Variants in ANKS1A observed in about 807,000 individuals in gnomAD.
ANKS1A encodes the protein ankyrin repeat and sterile alpha motif domain containing 1A, also known as ankyrin repeat and SAM domain-containing protein 1A.
In ANKS1A, 55 loss-of-function variants were observed where a neutral mutation model predicts 120.3. The ratio of observed to expected loss-of-function variants is 0.46; its 90% CI spans 0.37 to 0.57. The LOEUF is 0.57. Among genes scored for constraint, ANKS1A ranks in the 20% least tolerant of loss-of-function variants. The probability of loss-of-function intolerance (pLI) is 0.00; values close to 1 mark genes in which losing one functional copy is unlikely to be tolerated. For missense variants in ANKS1A, 1,123 were observed against 1,480.3 expected, an observed-to-expected ratio of 0.76 and a Z score of 3.96; for synonymous variants, 590 against 604.7, an observed-to-expected ratio of 0.98 and a Z score of 0.36.
intron 1 of ANKS1A, among the ~76,000 whole-genome samples, chr6:34,910,722 C>T (rs1310221277): frequency 1.3e-5 from 2 of 151,572 alleles, no homozygotes; most frequent in African/African-American, 2.4e-5. Flanking sequence ...ATTACCCAGG[C>T]GTGGTGGTGG....
At position 35,091,338 on chromosome 6, in the gene ANKS1A, T is replaced by C. The variant is rs773531909; in HGVS notation, c.*2729T>C. 270 of 985,608 alleles carry C rather than the reference T, an allele frequency of 2.7e-4. No individual in the cohort carries two copies. Among genetic ancestry groups the C allele is most frequent in the Non-Finnish European group, 3.0e-4 (249 of 829,942 alleles). The allele number at this position is 985,608 out of a possible 1,614,324, so 61.1% of individuals were successfully genotyped here. A position where few individuals can be genotyped will look rare whatever the true frequency, so the allele number is the denominator to read the frequency against. ...TATTTCTGGGCTTCCAGCTTTGGTT[T>C]TGTTATTTTCATAACTGTACACAAC... On this transcript the variant is annotated 3_prime_UTR_variant, in exon 24 of 24. Transcript: ENST00000360359.
At chr6:35,070,839 T>A (rs929049775) in intron 13 of ANKS1A, 2 of 574,718 alleles carry the variant, frequency 3.5e-6, no homozygotes, top group Admixed American at 3.9e-5. Context: ...TGTGTGTGTG[T>A]GTGTGTGCGC....
rs926897087 is a variant in ANKS1A, at chr6:34,982,969, T to C, written c.808+142T>C. On this transcript the variant is annotated intron_variant, in intron 5 of 23. Transcript: ENST00000360359. The surrounding 1 kb of genome is among the most constrained non-coding windows in gnomAD (Gnocchi z 4.9). ...ACTGGTTGATTACAAGTGTGTAAAC[T>C]GTTCTTGAATAGCTGGATTAAATGG... 28 of 1,244,826 alleles carry C rather than the reference T, an allele frequency of 2.2e-5. No homozygotes were observed. Among genetic ancestry groups the C allele is most frequent in the Non-Finnish European group, 3.0e-5 (26 of 855,108 alleles). 77.1% of individuals were successfully genotyped at this position (1,244,826 alleles called of 1,614,324 possible). A position where few individuals can be genotyped will look rare whatever the true frequency, so the allele number is the denominator to read the frequency against.
chr6:34,991,583 TAC>T (rs201212970), intron 9 of ANKS1A, among the ~76,000 whole-genome samples: 11,059 of 141,090 alleles, frequency 0.078, 766 homozygotes, highest in East Asian at 0.32. Flanking sequence ...CACACACATA[TAC>T]ACATATATAT....
At chr6:35,026,992 GTT>G in intron 11 of ANKS1A, among the ~76,000 whole-genome samples, 1 of 152,296 alleles carries the variant, frequency 6.6e-6, no homozygotes, top group Middle Eastern at 3.4e-3. Context: ...AGGCAAGGAT[GTT>G]GGGTGAGTTC....
At position 34,983,360 on chromosome 6, in the gene ANKS1A, A is replaced by G; in HGVS notation, c.947A>G (p.Asp316Gly). The G allele has an allele frequency of 6.2e-7, 1 of 1,614,076 alleles. No individual in the cohort carries two copies. Among genetic ancestry groups the G allele is most frequent in the East Asian group, 2.2e-5 (1 of 44,874 alleles). ...GGAAAAAGAAGTACAAAAGAAGTAG[A>G]TAAAACCCCCCCACCCCAGCCACCT... ...MTGKRSTKEV[D>G]KTPPPQPPLI... The change falls in exon 7 of 24, where the codon GAT becomes GGT. Residue 316 changes from aspartate to glycine, a missense_variant. Coordinates refer to ENST00000360359, the MANE Select transcript of ANKS1A (RefSeq NM_015245.3).
At chr6:35,053,074 C>T (rs1776048098) in intron 11 of ANKS1A, among the ~76,000 whole-genome samples, 1 of 152,220 alleles carries the variant, frequency 6.6e-6, no homozygotes. Context: ...CTTTGTCTGC[C>T]AGCTGAAGGC....
rs1012164261 is a variant in ANKS1A at position 35,057,476 on chromosome 6, A to C, written c.2078-2671A>C. ...CCTCTCTTTTCCAGGGCTCATCTAC[A>C]GCCTATTGGGATACCAGTATCTCCC... On this transcript the variant is annotated intron_variant, in intron 12 of 23. Coordinates refer to ENST00000360359, the MANE Select transcript of ANKS1A (RefSeq NM_015245.3). This position sits in a 1 kb window ranked among gnomAD's most constrained non-coding sequence, Gnocchi z 4.1. Among the ~76,000 whole-genome samples the C allele has an allele frequency of 2.6e-5, 4 of 152,188 alleles. No individual in the cohort carries two copies. Among genetic ancestry groups the C allele is most frequent in the Admixed American group, 2.6e-4 (4 of 15,288 alleles).
intron 11 of ANKS1A, among the ~76,000 whole-genome samples, chr6:35,021,355 T>C (rs1045272737): frequency 2.0e-5 from 3 of 152,124 alleles, no homozygotes; most frequent in African/African-American, 7.2e-5. Context: ...GGCTGTCGGG[T>C]GGGAGCCCCT....
chr6:34,989,371 G>T, intron 9 of ANKS1A, 55 bp downstream of exon 9: 1 of 1,496,460 alleles, frequency 6.7e-7, no homozygotes, highest in Middle Eastern at 1.7e-4. Context: ...GTTGAAAAGT[G>T]CATCGATGTG....
intron 11 of ANKS1A, among the ~76,000 whole-genome samples, chr6:35,026,042 G>T (rs1259962452): frequency 6.6e-6 from 1 of 152,172 alleles, no homozygotes; most frequent in African/African-American, 2.4e-5. Context: ...GAAAGCTTGG[G>T]TGACAATGAA....
rs377209396 is a variant in ANKS1A at position 35,088,647 on chromosome 6, C to T, written c.*38C>T. On this transcript the variant is annotated 3_prime_UTR_variant, in exon 24 of 24. Coordinates refer to ENST00000360359, the MANE Select transcript of ANKS1A (RefSeq NM_015245.3). Reference sequence around the variant, plus strand: ...CCACACTGTGCTGCGGAAACATAGACGTGGGGGCATAGGCTCCCACTGCCA... The same window carrying T: ...CCACACTGTGCTGCGGAAACATAGATGTGGGGGCATAGGCTCCCACTGCCA... The T allele has an allele frequency of 4.3e-5, 69 of 1,614,090 alleles. No homozygotes were observed. Among genetic ancestry groups the T allele is most frequent in the South Asian group, 1.6e-4 (15 of 91,088 alleles).
chr6:34,889,661 G>C lies in ANKS1A; in HGVS notation c.197+62G>C. The C allele has an allele frequency of 1.6e-6, 2 of 1,239,078 alleles. No individual in the cohort carries two copies. Among genetic ancestry groups the C allele is most frequent in the Non-Finnish European group, 2.0e-6 (2 of 991,020 alleles). The allele number at this position is 1,239,078 out of a possible 1,614,324, so 76.8% of individuals were successfully genotyped here. A position where few individuals can be genotyped will look rare whatever the true frequency, so the allele number is the denominator to read the frequency against. On this transcript the variant is annotated intron_variant, in intron 1 of 23. Coordinates refer to ENST00000360359, the MANE Select transcript of ANKS1A (RefSeq NM_015245.3). The surrounding 1 kb of genome is among the most constrained non-coding windows in gnomAD (Gnocchi z 5.5). ...CCCTTTCTCCCCCACCCGTCTCTTGGGTCCCCAGAGAGATCGGGGGTCCTG... is the reference window on the plus strand; with the variant it reads ...CCCTTTCTCCCCCACCCGTCTCTTGCGTCCCCAGAGAGATCGGGGGTCCTG...
At chr6:35,064,105 C>T (rs1426330986) in intron 13 of ANKS1A, among the ~76,000 whole-genome samples, 7 of 152,232 alleles carry the variant, frequency 4.6e-5, no homozygotes, top group Middle Eastern at 3.4e-3. Context: ...TCAGGGCTCT[C>T]GAAAGCCACG....
At chr6:35,055,628 C>T (rs546039702) in intron 12 of ANKS1A, among the ~76,000 whole-genome samples, 1 of 152,306 alleles carries the variant, frequency 6.6e-6, no homozygotes, top group East Asian at 1.9e-4. Context: ...ACACCCGGCC[C>T]TGTGTTCCTT....
chr6:35,043,250 A>G (rs1236137344), intron 11 of ANKS1A, among the ~76,000 whole-genome samples: 3 of 152,372 alleles, frequency 2.0e-5, no homozygotes, highest in Non-Finnish European at 4.4e-5. Flanking sequence ...TGAGTTGACA[A>G]TGAGAGCCCA....
Position 35,082,624 on chromosome 6 carries a change from G to A in ANKS1A, c.2710-67G>A. On this transcript the variant is annotated intron_variant, in intron 17 of 23. Coordinates refer to ENST00000360359, the MANE Select transcript of ANKS1A (RefSeq NM_015245.3). This position sits in a 1 kb window ranked among gnomAD's most constrained non-coding sequence, Gnocchi z 4.1. ...CATCTTCACCCTTGAGTGTGCTGGAGCCAGGCAGCAAGCCCATGTGCTCCT... is the reference window on the plus strand; with the variant it reads ...CATCTTCACCCTTGAGTGTGCTGGAACCAGGCAGCAAGCCCATGTGCTCCT... 2 of 1,531,346 alleles carry A rather than the reference G, an allele frequency of 1.3e-6. No homozygotes were observed. Among genetic ancestry groups the A allele is most frequent in the East Asian group, 2.3e-5 (1 of 42,798 alleles). The allele number at this position is 1,531,346 out of a possible 1,614,324, so 94.9% of individuals were successfully genotyped here.
chr6:35,064,043 G>A (rs533332083), intron 13 of ANKS1A, among the ~76,000 whole-genome samples: 1 of 152,242 alleles, frequency 6.6e-6, no homozygotes, highest in African/African-American at 2.4e-5. Context: ...GCTGCTGGGG[G>A]GCAGTGACGG....
rs149416311 is a variant in ANKS1A at position 34,991,541 on chromosome 6, TACACACACACACACACACAC to T, written c.1302+2245_1302+2264del. 1.5e-3 allele frequency among the ~76,000 whole-genome samples: 208 copies of T among 138,494 alleles called. 3 individuals carry two copies. The highest frequency in any genetic ancestry group is 2.8e-3 in the Non-Finnish European group (183 of 65,792). 90.9% of individuals were successfully genotyped at this position (138,494 alleles called of 152,430 possible). ...ACATAGCCGGGAAAAAAAAAATATA[TACACACACACACACACACAC>T]ACACACACACACACACACATATACA... On this transcript the variant is annotated intron_variant, in intron 9 of 23. Coordinates refer to ENST00000360359, the MANE Select transcript of ANKS1A (RefSeq NM_015245.3).
Sources: allele counts gnomAD v4.1 joint callset (sites outside exome capture counted in the v4.1 genomes callset), GRCh38; gene constraint gnomAD v4.1.1; non-coding constraint Gnocchi (gnomAD v3.1); transcripts MANE v1.5; gene names NCBI Gene and HGNC (gene_info 2026-07-23, HGNC 2026-07-21).